AXDND1: variants seen among roughly 807,000 people sequenced by gnomAD.
The protein encoded by AXDND1 is axonemal dynein light chain domain containing 1, also known as axonemal dynein light chain domain-containing protein 1.
AXDND1 carries 110 observed loss-of-function variants against 137.5 expected under a neutral mutation model. The observed-to-expected ratio is 0.80, with a 90% confidence interval of 0.69 to 0.94. The LOEUF is 0.94. Ranked by LOEUF, AXDND1 falls within the 40% of genes least tolerant of loss-of-function variation. AXDND1 has a pLI of 0.00. For missense variants in AXDND1, 1,191 were observed against 1,169.8 expected (o/e 1.02, Z -0.26); for synonymous variants, 414 against 399.7 (o/e 1.04, Z -0.43).
At chr1:179,511,397 T>G (rs918325006) in intron 21 of AXDND1, among the ~76,000 whole-genome samples, 64 of 148,428 alleles carry the variant, frequency 4.3e-4, no homozygotes, top group African/African-American at 1.5e-3. Flanking sequence ...ATATGGGGTG[T>G]GTGTGTGTGT....
At chr1:179,432,938 A>G (rs1037459055) in intron 15 of AXDND1, among the ~76,000 whole-genome samples, 1 of 152,214 alleles carries the variant, frequency 6.6e-6, no homozygotes, top group African/African-American at 2.4e-5. Context: ...TTTATGAACA[A>G]CAAGGAAAAA....
chr1:179,366,401 C>T lies in AXDND1; in HGVS notation c.-106-3C>T, dbSNP rs1667407804. 1 of 738,568 alleles carries T rather than the reference C, an allele frequency of 1.4e-6. No individual in the cohort carries two copies. Among genetic ancestry groups the T allele is most frequent in the Admixed American group, 2.4e-5 (1 of 41,606 alleles). 45.8% of individuals were successfully genotyped at this position (738,568 alleles called of 1,614,324 possible). On this transcript the variant is annotated splice_polypyrimidine_tract_variant and splice_region_variant and intron_variant, in intron 1 of 25. Transcript: ENST00000367618. Reference sequence around the variant, plus strand: ...TTTTAAATCTTTTTTCCTCTGCCTGCAGGACTATGTGGCAGCCTGCAAGTC... The same window carrying T: ...TTTTAAATCTTTTTTCCTCTGCCTGTAGGACTATGTGGCAGCCTGCAAGTC...
At chr1:179,550,729 G>C in intron 25 of AXDND1, 1 of 218,558 alleles carries the variant, frequency 4.6e-6, no homozygotes, top group Non-Finnish European at 9.2e-6. Flanking sequence ...TATCATTGGA[G>C]AGAAGACTGC....
chr1:179,415,195 C>T (rs998438441), intron 12 of AXDND1, among the ~76,000 whole-genome samples: 2 of 151,940 alleles, frequency 1.3e-5, no homozygotes, highest in African/African-American at 2.4e-5. Flanking sequence ...TACAAAAATT[C>T]GCTGGGCATA....
intron 12 of AXDND1, among the ~76,000 whole-genome samples, chr1:179,425,411 T>C (rs528090082): frequency 2.0e-5 from 3 of 152,212 alleles, no homozygotes; most frequent in Non-Finnish European, 2.9e-5. Context: ...CTCTCTCACA[T>C]GGAGTCTCCT....
At chr1:179,365,889 C>G (rs1667334502), upstream of AXDND1, 1 of 152,528 alleles carries the variant, frequency 6.6e-6, no homozygotes, top group African/African-American at 2.4e-5. Context: ...CCCTCCTCCG[C>G]CGGCACCGCT....
rs543159872 is a variant in AXDND1 at position 179,447,944 on chromosome 1, T to C, written c.1798+2740T>C. 1.0e-5 allele frequency: 14 copies of C among 1,390,978 alleles called. No homozygotes were observed. The African/African-American group carries it at 1.8e-4, about 18-fold the overall frequency. 86.2% of individuals were successfully genotyped at this position (1,390,978 alleles called of 1,614,324 possible). A position where few individuals can be genotyped will look rare whatever the true frequency, so the allele number is the denominator to read the frequency against. ...GAGAGCGTGTTTAAATCTGTTAACG[T>C]TGAGCTGGCTGCCAAAGATGGTGAC... On this transcript the variant is annotated intron_variant, in intron 16 of 25. Coordinates refer to ENST00000367618, the MANE Select transcript of AXDND1 (RefSeq NM_144696.6).
rs371274022 is a variant in AXDND1, at chr1:179,468,655, G to T, written c.1997+14G>T. ...GGATTCTGTTTCGTAAGTTCCCATA[G>T]GTTTCTTTTGTTCTGAGATAATTTT... On this transcript the variant is annotated intron_variant, in intron 17 of 25. Coordinates refer to ENST00000367618, the MANE Select transcript of AXDND1 (RefSeq NM_144696.6). 4 of 1,569,236 alleles carry T rather than the reference G, an allele frequency of 2.5e-6. No homozygotes were observed. The highest frequency in any genetic ancestry group is 2.7e-5 in the African/African-American group (2 of 72,796).
chr1:179,436,394 A>T (rs933510135), intron 15 of AXDND1, among the ~76,000 whole-genome samples: 1 of 152,234 alleles, frequency 6.6e-6, no homozygotes, highest in Non-Finnish European at 1.5e-5. Context: ...GTGCACATGT[A>T]TATTTATTGC....
intron 23 of AXDND1, among the ~76,000 whole-genome samples, chr1:179,532,728 A>G (rs1345257047): frequency 6.6e-6 from 1 of 151,836 alleles, no homozygotes; most frequent in Admixed American, 6.6e-5. Flanking sequence ...ACCTAAAAAA[A>G]TTAAAAACTG....
Position 179,379,437 on chromosome 1 carries a change from A to G in AXDND1, c.536A>G (p.His179Arg). 6.2e-7 allele frequency: 1 copy of G among 1,613,712 alleles called. No homozygotes were observed. Among genetic ancestry groups the G allele is most frequent in the East Asian group, 2.2e-5 (1 of 44,882 alleles). The part of the protein sequence containing the change: ...LTDTLIPEEF[H>R]IVSSTGVSGL... ...GATACTTTGATTCCTGAAGAATTTC[A>G]TATTGTGTCAAGTACAGGAGTTTCA... Residue 179 changes from histidine to arginine, a missense_variant, in exon 6 of 26, where the codon CAT becomes CGT. His to Arg is a conservative substitution (Grantham distance 29). Transcript: ENST00000367618.
chr1:179,496,625 T>C (rs1667471559), intron 20 of AXDND1, among the ~76,000 whole-genome samples: 1 of 152,042 alleles, frequency 6.6e-6, no homozygotes, highest in Non-Finnish European at 1.5e-5. Flanking sequence ...TTGTCCAATT[T>C]TCTTGATCTC....
Position 179,430,619 on chromosome 1 carries a change from G to C in AXDND1, c.1487+13G>C. On this transcript the variant is annotated intron_variant, in intron 14 of 25. Transcript: ENST00000367618. ...AGGAGTTCTTCAAGTGAGTCACCAA[G>C]AATCTTGTTTTTCTGATTATACTTA... 6.2e-7 allele frequency: 1 copy of C among 1,601,872 alleles called. No homozygotes were observed. The highest frequency in any genetic ancestry group is 8.5e-7 in the Non-Finnish European group (1 of 1,176,150).
Position 179,425,905 on chromosome 1 carries a change from C to T in AXDND1, c.1231-3613C>T, listed in dbSNP as rs1187481798. Among the ~76,000 whole-genome samples, 9 of 148,894 alleles carry T rather than the reference C, an allele frequency of 6.0e-5. No homozygotes were observed. In the South Asian group the frequency reaches 6.4e-4, roughly 11 times the overall value. ...AGGCTGGAATGCAGTGGCACAATCT[C>T]GGCTCACTGCAACCTCTGCCTCCCG... is the stretch of plus-strand genomic sequence containing the variant. On this transcript the variant is annotated intron_variant, in intron 12 of 25. Transcript: ENST00000367618.
Position 179,525,429 on chromosome 1 carries a change from T to C in AXDND1, c.2592T>C (p.Asn864=). The C allele has an allele frequency of 6.2e-7, 1 of 1,610,062 alleles. No individual in the cohort carries two copies. The highest frequency in any genetic ancestry group is 1.1e-5 in the South Asian group (1 of 90,702). ...SKEDRKLQEE[N]KERAEEQPST... The stretch of plus-strand genomic sequence containing the variant: ...AGGATAGGAAACTTCAGGAGGAAAA[T>C]AAAGAGAGAGCAGAAGAAGTAAGAT... The change falls in exon 22 of 26, where the codon AAT becomes AAC. Residue 864 remains asparagine (N), a synonymous_variant. Coordinates refer to ENST00000367618, the MANE Select transcript of AXDND1 (RefSeq NM_144696.6).
chr1:179,418,358 G>A (rs1364232439), intron 12 of AXDND1, among the ~76,000 whole-genome samples: 1 of 152,224 alleles, frequency 6.6e-6, no homozygotes, highest in Non-Finnish European at 1.5e-5. Flanking sequence ...TCTTAGTACG[G>A]AACAAAATGA....
At position 179,366,441 on chromosome 1, in the gene AXDND1, A is replaced by G; in HGVS notation, c.-69A>G. On this transcript the variant is annotated 5_prime_UTR_variant, in exon 2 of 26. Coordinates refer to ENST00000367618, the MANE Select transcript of AXDND1 (RefSeq NM_144696.6). The stretch of plus-strand genomic sequence containing the variant: ...GCCTGCAAGTCCCAGTGCGGCGCTG[A>G]TTTGTGTCTAAATTAGCTTTCCGGA... The G allele has an allele frequency of 7.7e-7, 1 of 1,300,782 alleles. No homozygotes were observed. The highest frequency in any genetic ancestry group is 1.2e-5 in the South Asian group (1 of 84,082). The allele number at this position is 1,300,782 out of a possible 1,614,324, so 80.6% of individuals were successfully genotyped here.
intron 15 of AXDND1, among the ~76,000 whole-genome samples, chr1:179,436,661 A>G (rs1658197283): frequency 6.6e-6 from 1 of 152,136 alleles, no homozygotes; most frequent in African/African-American, 2.4e-5. Flanking sequence ...GGACACAGGA[A>G]GGGGAAAAAC....
At chr1:179,463,469 C>G (rs1390942313) in intron 16 of AXDND1, among the ~76,000 whole-genome samples, 1 of 152,212 alleles carries the variant, frequency 6.6e-6, no homozygotes, top group Non-Finnish European at 1.5e-5. Context: ...TTTGATTGCA[C>G]TGTGGTCTGA....
Sources: gnomAD v4.1 joint callset for allele counts (sites outside exome capture counted in the v4.1 genomes callset) on GRCh38, gnomAD v4.1.1 for gene constraint, MANE v1.5 for transcripts, NCBI Gene and HGNC (gene_info 2026-07-23, HGNC 2026-07-21) for gene names.